The following ZC3H4 variants were observed in gnomAD, a reference collection of about 807,000 sequenced individuals.
The protein encoded by ZC3H4 is zinc finger CCCH-type containing 4, also known as zinc finger CCCH domain-containing protein 4.
A neutral mutation model predicts 108.3 loss-of-function variants in ZC3H4; 13 were observed. That is an observed-to-expected ratio of 0.12 (90% confidence interval 0.08 to 0.19). The LOEUF is 0.19. Among genes scored for constraint, ZC3H4 ranks in the 10% least tolerant of loss-of-function variants. The pLI, the probability that ZC3H4 is intolerant of heterozygous loss-of-function variation, is 1.00. For missense variants in ZC3H4, 1,734 were observed against 1,838.8 expected (o/e 0.94, Z 1.04); for synonymous variants, 917 against 749.6 (o/e 1.22, Z -3.65).
At chr19:47,077,480 A>C (rs1431507372) in intron 11 of ZC3H4, among the ~76,000 whole-genome samples, 1 of 152,140 alleles carries the variant, frequency 6.6e-6, no homozygotes, top group South Asian at 2.1e-4. Flanking sequence ...AAAAAAAAAA[A>C]AAACTGGTAC....
rs565152158 is a variant in ZC3H4 at position 47,090,157 on chromosome 19, C to T, written c.525G>A (p.Thr175=). 6 of 1,614,114 alleles carry T rather than the reference C, an allele frequency of 3.7e-6. No individual in the cohort carries two copies. The South Asian group carries it at 4.4e-5, about 12-fold the overall frequency. The change falls in exon 5 of 15, where the codon ACG becomes ACA. Residue 175 remains threonine, a synonymous_variant. Coordinates refer to ENST00000253048, the MANE Select transcript of ZC3H4 (RefSeq NM_015168.2). ...SHQQYPPSHA[T]PLPKKAYSKM... is the part of the protein sequence containing the mutation. ...TGGAGTATGCCTTCTTGGGCAGGGG[C>T]GTGGCATGCGATGGGGGGTACTGCT... is the stretch of plus-strand genomic sequence containing the variant.
intron 14 of ZC3H4, among the ~76,000 whole-genome samples, chr19:47,068,422 G>A (rs980018597): frequency 1.3e-5 from 2 of 152,342 alleles, no homozygotes; most frequent in African/African-American, 4.8e-5. Context: ...ATGTCCCAGG[G>A]AGGGGCTGGT....
chr19:47,093,492 G>GC (rs1568558461), intron 4 of ZC3H4, among the ~76,000 whole-genome samples: 1 of 152,166 alleles, frequency 6.6e-6, no homozygotes, highest in East Asian at 1.9e-4. Flanking sequence ...TGCTAAGGCC[G>GC]CATGGAGGAG....
At chr19:47,095,419 G>A (rs557990320) in intron 2 of ZC3H4, among the ~76,000 whole-genome samples, 2 of 152,200 alleles carry the variant, frequency 1.3e-5, no homozygotes, top group South Asian at 4.1e-4. Flanking sequence ...GCTGGAGGAG[G>A]GGGGACGGAT....
chr19:47,097,466 T>TCCCC (rs2057840919), intron 2 of ZC3H4, among the ~76,000 whole-genome samples: 1 of 151,898 alleles, frequency 6.6e-6, no homozygotes, highest in Non-Finnish European at 1.5e-5. Context: ...CCTCAAGGGG[T>TCCCC]CCCCCCTCAC....
At chr19:47,077,793 G>A (rs2057449367) in intron 11 of ZC3H4, among the ~76,000 whole-genome samples, 1 of 151,366 alleles carries the variant, frequency 6.6e-6, no homozygotes, top group Non-Finnish European at 1.5e-5. Flanking sequence ...GGAGGCGGAG[G>A]TCGTGGTGAG....
At chr19:47,109,435 C>T (rs866177941) in intron 2 of ZC3H4, among the ~76,000 whole-genome samples, 1 of 152,204 alleles carries the variant, frequency 6.6e-6, no homozygotes, top group South Asian at 2.1e-4. Flanking sequence ...GCCTTTGGAA[C>T]TTGGGTCATC....
Position 47,094,423 on chromosome 19 carries a change from C to G in ZC3H4, c.347G>C (p.Arg116Thr). The G allele has an allele frequency of 6.2e-7, 1 of 1,614,192 alleles. No homozygotes were observed. Among genetic ancestry groups the G allele is most frequent in the Non-Finnish European group, 8.5e-7 (1 of 1,180,028 alleles). Residue 116 changes from arginine (R) to threonine (T), a missense_variant, in exon 3 of 15, where the codon AGG (arginine) becomes ACG (threonine). Around this residue, in one of 9 missense-constraint regions of ZC3H4, gnomAD observed 403 missense variants for 457.0 expected, o/e 0.88. Transcript: ENST00000253048. ...KRKKEREKEK[R>T]RSKKRRKSKH... The stretch of plus-strand genomic sequence containing the variant: ...GGATTTCCTCCTCTTCTTCGACCTC[C>G]TTTTCTCTTTCTCCCGCTCTTTCTT...
intron 13 of ZC3H4, among the ~76,000 whole-genome samples, chr19:47,070,126 C>T (rs545815149): frequency 3.3e-5 from 5 of 150,472 alleles, no homozygotes; most frequent in Non-Finnish European, 5.9e-5. Context: ...ATCGAATCAC[C>T]GAAACGGAGG....
chr19:47,071,936 G>A lies in ZC3H4; in HGVS notation c.1988C>T (p.Pro663Leu). The part of the protein sequence containing the change: ...PMGPGMNPGP[P>L]MGPGGPPMMP... ...CATTGGAGGGCCGCCAGGGCCCATG[G>A]GTGGGCCAGGATTCATGCCAGGGCC... Residue 663 changes from proline (P) to leucine (L), a missense_variant, in exon 13 of 15, where the codon CCC becomes CTC. This residue lies in a region of ZC3H4 where 540 missense variants were observed against 484.1 expected (regional missense o/e 1.12). Transcript: ENST00000253048. 1 of 1,613,048 alleles carries A rather than the reference G, an allele frequency of 6.2e-7. No individual in the cohort carries two copies. Among genetic ancestry groups the A allele is most frequent in the South Asian group, 1.1e-5 (1 of 90,916 alleles).
At chr19:47,079,804 T>C (rs1019514166) in intron 11 of ZC3H4, among the ~76,000 whole-genome samples, 8 of 152,124 alleles carry the variant, frequency 5.3e-5, no homozygotes, top group Admixed American at 3.3e-4. Context: ...GGACAAACGC[T>C]TGAACCCAGG....
chr19:47,112,953 G>T (rs1286530653), intron 1 of ZC3H4, among the ~76,000 whole-genome samples: 1 of 152,098 alleles, frequency 6.6e-6, no homozygotes, highest in Non-Finnish European at 1.5e-5. Flanking sequence ...AGGGTAAGGG[G>T]AGAAGAGGAG....
intron 2 of ZC3H4, among the ~76,000 whole-genome samples, chr19:47,108,293 A>G (rs2057992702): frequency 6.6e-6 from 1 of 152,144 alleles, no homozygotes; most frequent in Admixed American, 6.6e-5. Context: ...GGGGACCAAA[A>G]TTAAGTTCTC....
At chr19:47,108,281 G>A (rs756319340) in intron 2 of ZC3H4, among the ~76,000 whole-genome samples, 3 of 152,092 alleles carry the variant, frequency 2.0e-5, no homozygotes, top group South Asian at 2.1e-4. Flanking sequence ...ATTACTGTTC[G>A]TGGGGACCAA....
intron 5 of ZC3H4, 25 bp downstream of exon 5, chr19:47,089,942 G>A (rs755994456): frequency 3.4e-5 from 55 of 1,613,126 alleles, no homozygotes; most frequent in Admixed American, 1.2e-4. Flanking sequence ...TGCCCCAGAG[G>A]AGAAACTGTA....
At chr19:47,091,131 A>C (rs1385398341) in intron 4 of ZC3H4, among the ~76,000 whole-genome samples, 1 of 152,020 alleles carries the variant, frequency 6.6e-6, no homozygotes, top group East Asian at 1.9e-4. Flanking sequence ...AAAATAGCCG[A>C]GTGTGGGGCA....
At chr19:47,068,618 C>A (rs1350790135) in intron 14 of ZC3H4, among the ~76,000 whole-genome samples, 1 of 151,910 alleles carries the variant, frequency 6.6e-6, no homozygotes. Context: ...AGGATCTAGA[C>A]ACCACTTGTC....
At chr19:47,081,696 T>G in intron 10 of ZC3H4, 74 bp from the exon 11 acceptor site, 1 of 1,268,192 alleles carries the variant, frequency 7.9e-7, no homozygotes, top group Non-Finnish European at 1.1e-6. Context: ...CAAGGCAGAA[T>G]CCAGCTCCCT....
intron 14 of ZC3H4, among the ~76,000 whole-genome samples, chr19:47,068,490 C>T (rs2057261806): frequency 6.6e-6 from 1 of 152,218 alleles, no homozygotes; most frequent in Non-Finnish European, 1.5e-5. Context: ...CAGACTCAGA[C>T]ATGGGCTCAA....
Sources: gnomAD v4.1 joint callset for allele counts (sites outside exome capture counted in the v4.1 genomes callset) on GRCh38, gnomAD v4.1.1 for gene constraint, gnomAD v4.1.1 regional missense constraint, MANE v1.5 for transcripts, NCBI Gene and HGNC (gene_info 2026-07-23, HGNC 2026-07-21) for gene names.